The following DCC variants were observed in gnomAD, a reference collection of about 807,000 sequenced individuals.
DCC encodes the protein netrin receptor DCC.
Under a neutral mutation model 172.5 loss-of-function variants are expected in DCC, and 58 were observed. The ratio of observed to expected loss-of-function variants is 0.34; its 90% CI spans 0.27 to 0.42. The LOEUF is 0.42. Ranked by LOEUF, DCC falls within the 10% of genes least tolerant of loss-of-function variation. The pLI is 1.00. For synonymous variants in DCC, 709 were observed against 644.5 expected, an observed-to-expected ratio of 1.10 and a Z score of -1.52; for missense variants, 1,740 against 1,791.0, an observed-to-expected ratio of 0.97 and a Z score of 0.51.
chr18:52,750,008 G>A (rs548729371), intron 1 of DCC, among the ~76,000 whole-genome samples: 1 of 152,228 alleles, frequency 6.6e-6, no homozygotes, highest in Non-Finnish European at 1.5e-5. Flanking sequence ...CTCAAGCCAG[G>A]TTTGCTAGCT....
At chr18:52,517,188 T>C (rs1198682848) in intron 1 of DCC, among the ~76,000 whole-genome samples, 1 of 152,218 alleles carries the variant, frequency 6.6e-6, no homozygotes, top group African/African-American at 2.4e-5. Flanking sequence ...TAAACATTAA[T>C]AGAGTTAAGT....
rs574087998 is a variant in DCC at position 53,259,868 on chromosome 18, C to T, written c.1911+44271C>T. 3.9e-5 allele frequency among the ~76,000 whole-genome samples: 6 copies of T among 152,150 alleles called. No homozygotes were observed. In the South Asian group the frequency reaches 1.0e-3, roughly 26 times the overall value. ...TACACCAATCAGAAGTAGATTTGGT[C>T]TTTTCACATAGTCCCATATTTCTTG... On this transcript the variant is annotated intron_variant, in intron 12 of 28. Coordinates refer to ENST00000442544, the MANE Select transcript of DCC (RefSeq NM_005215.4).
rs148481000 is a variant in DCC at position 53,057,818 on chromosome 18, G to A, written c.986-5487G>A. On this transcript the variant is annotated intron_variant, in intron 5 of 28. Coordinates refer to ENST00000442544, the MANE Select transcript of DCC (RefSeq NM_005215.4). ...CCACAGAAGTGGGAGAAAGCGTAAT[G>A]TGCAAAGGGATTTAAAAAACAAACA... Among the ~76,000 whole-genome samples, 882 of 152,194 alleles carry A rather than the reference G, an allele frequency of 5.8e-3. 7 individuals carry two copies. Among genetic ancestry groups the A allele is most frequent in the African/African-American group, 0.02 (827 of 41,534 alleles).
intron 7 of DCC, among the ~76,000 whole-genome samples, chr18:53,098,644 T>C (rs2043120874): frequency 1.3e-5 from 2 of 152,202 alleles, no homozygotes; most frequent in Admixed American, 6.5e-5. Flanking sequence ...TTGATGGTGA[T>C]AACTTAGACA....
intron 27 of DCC, among the ~76,000 whole-genome samples, chr18:53,504,591 G>A (rs547288273): frequency 7.9e-5 from 12 of 152,054 alleles, no homozygotes; most frequent in African/African-American, 2.9e-4. Flanking sequence ...ATTTGGTCTG[G>A]TCATCCTAAA....
chr18:53,410,020 T>C (rs1157490513), intron 19 of DCC, among the ~76,000 whole-genome samples: 1 of 152,226 alleles, frequency 6.6e-6, no homozygotes, highest in Non-Finnish European at 1.5e-5. Flanking sequence ...ACTTTAAACA[T>C]GTATAGCATT....
intron 12 of DCC, among the ~76,000 whole-genome samples, chr18:53,265,551 TGTTA>T (rs1250761640): frequency 2.0e-5 from 3 of 152,226 alleles, no homozygotes; most frequent in Admixed American, 1.3e-4. Flanking sequence ...TCCGTTTCCC[TGTTA>T]GTTTTCTGAA....
At chr18:52,477,534 G>T (rs1989128246) in intron 1 of DCC, among the ~76,000 whole-genome samples, 1 of 152,136 alleles carries the variant, frequency 6.6e-6, no homozygotes, top group Non-Finnish European at 1.5e-5. Flanking sequence ...TGCATGATTT[G>T]CCTGGTAACA....
rs1247863185 is a variant in DCC at position 52,785,114 on chromosome 18, A to G, written c.412+32740A>G. ...CAGGGAAGACTGGTCACCCCAACCT[A>G]GAATGTAAATGGACTTTCCAGTTAA... On this transcript the variant is annotated intron_variant, in intron 2 of 28. Transcript: ENST00000442544. 2.0e-5 allele frequency among the ~76,000 whole-genome samples: 3 copies of G among 152,056 alleles called. No homozygotes were observed. The East Asian group carries it at 5.8e-4, about 29-fold the overall frequency.
At chr18:53,137,822 TA>T (rs1434951032) in intron 7 of DCC, among the ~76,000 whole-genome samples, 3 of 152,078 alleles carry the variant, frequency 2.0e-5, no homozygotes, top group Non-Finnish European at 4.4e-5. Context: ...ATAATATTAC[TA>T]TTTTTTTTTC....
intron 27 of DCC, among the ~76,000 whole-genome samples, chr18:53,514,585 A>G (rs565424105): frequency 6.6e-6 from 1 of 152,346 alleles, no homozygotes; most frequent in South Asian, 2.1e-4. Flanking sequence ...GAGAAGAATC[A>G]AATAGACACA....
At chr18:52,818,510 G>A (rs563327500) in intron 2 of DCC, among the ~76,000 whole-genome samples, 4 of 151,976 alleles carry the variant, frequency 2.6e-5, no homozygotes, top group Non-Finnish European at 5.9e-5. Flanking sequence ...TTTGTAAAAT[G>A]GGTGAATCAT....
At chr18:52,923,647 T>C (rs1224021304) in intron 3 of DCC, 60 bp from the exon 4 acceptor site, 14 of 1,316,360 alleles carry the variant, frequency 1.1e-5, no homozygotes, top group Admixed American at 3.4e-5. Context: ...AATCAAAATA[T>C]ATCATTTATC....
At chr18:52,891,318 CA>C (rs1403316453) in intron 2 of DCC, among the ~76,000 whole-genome samples, 1 of 152,044 alleles carries the variant, frequency 6.6e-6, no homozygotes, top group African/African-American at 2.4e-5. Context: ...TAATTTGCTT[CA>C]GTAGCTTCAG....
At position 52,510,889 on chromosome 18, in the gene DCC, T is replaced by C. The variant is rs149767164; in HGVS notation, c.91+170011T>C. On this transcript the variant is annotated intron_variant, in intron 1 of 28. Coordinates refer to ENST00000442544, the MANE Select transcript of DCC (RefSeq NM_005215.4). ...TCTTAAATGATCCCTGAGAGAGTTA[T>C]CATTACAGTGTCCTGATTTACAAAC... Among the ~76,000 whole-genome samples, 5 of 152,194 alleles carry C rather than the reference T, an allele frequency of 3.3e-5. No homozygotes were observed. The East Asian group carries it at 9.7e-4, about 30-fold the overall frequency.
intron 1 of DCC, among the ~76,000 whole-genome samples, chr18:52,472,332 T>C (rs1237035): frequency 0.99 from 151,035 of 152,242 alleles, 74,927 homozygotes; most frequent in East Asian, 1. Context: ...TCTGTGTTCA[T>C]CTGGCTTCTT....
At chr18:53,315,377 A>G (rs1177296843) in intron 13 of DCC, among the ~76,000 whole-genome samples, 2 of 152,102 alleles carry the variant, frequency 1.3e-5, no homozygotes, top group African/African-American at 4.8e-5. Context: ...GGGCATTTGC[A>G]TTGGTTCCAA....
chr18:53,314,450 A>G (rs1332625764), intron 13 of DCC, among the ~76,000 whole-genome samples: 3 of 152,210 alleles, frequency 2.0e-5, no homozygotes, highest in African/African-American at 7.2e-5. Context: ...ACTATGGTAA[A>G]TCAGATTCAG....
At chr18:52,790,549 A>G (rs2145204221) in intron 2 of DCC, among the ~76,000 whole-genome samples, 1 of 152,276 alleles carries the variant, frequency 6.6e-6, no homozygotes, top group East Asian at 1.9e-4. Context: ...TTGGAAAATT[A>G]ACATTTCCCA....
Sources: gnomAD v4.1 joint callset for allele counts (sites outside exome capture counted in the v4.1 genomes callset) on GRCh38, gnomAD v4.1.1 for gene constraint, MANE v1.5 for transcripts, NCBI Gene and HGNC (gene_info 2026-07-23, HGNC 2026-07-21) for gene names.